Variants in DIS3 observed in about 807,000 individuals in gnomAD.
DIS3 encodes the protein exosome complex exonuclease RRP44.
DIS3 carries 103 observed loss-of-function variants against 113.0 expected under a neutral mutation model. The ratio of observed to expected loss-of-function variants is 0.91; its 90% CI spans 0.78 to 1.07. The LOEUF is 1.07. DIS3 is among the 50% of genes least tolerant of loss of function. The probability of loss-of-function intolerance (pLI) is 0.00; values close to 1 mark genes in which losing one functional copy is unlikely to be tolerated. For missense variants in DIS3, 1,121 were observed against 1,167.1 expected (o/e 0.96, Z 0.58); for synonymous variants, 402 against 394.3 (o/e 1.02, Z -0.23).
At chr13:72,778,161 C>G in intron 3 of DIS3, 26 bp downstream of exon 3, 1 of 1,539,550 alleles carries the variant, frequency 6.5e-7, no homozygotes. Flanking sequence ...CAAACATGCA[C>G]TAAGTACTTC....
chr13:72,781,596 C>T lies in DIS3; in HGVS notation c.228+9G>A. 1.3e-6 allele frequency: 2 copies of T among 1,496,054 alleles called. No homozygotes were observed. Among genetic ancestry groups the T allele is most frequent in the Non-Finnish European group, 1.8e-6 (2 of 1,118,828 alleles). 92.7% of individuals were successfully genotyped at this position (1,496,054 alleles called of 1,614,324 possible). On this transcript the variant is annotated intron_variant, in intron 1 of 20. Coordinates refer to ENST00000377767, the MANE Select transcript of DIS3 (RefSeq NM_014953.5). Reference sequence around the variant, plus strand: ...GGCCGCGCTGTCCGCGGTTCGCCCGCCCACGCACCTGGTGCAGTAACACAT... The same window carrying T: ...GGCCGCGCTGTCCGCGGTTCGCCCGTCCACGCACCTGGTGCAGTAACACAT...
chr13:72,758,747 A>G lies in DIS3; in HGVS notation c.*1048T>C, dbSNP rs1245954673. 5.3e-5 allele frequency: 11 copies of G among 206,716 alleles called. No homozygotes were observed. In the Admixed American group the frequency reaches 5.9e-4, roughly 11 times the overall value. 12.8% of individuals were successfully genotyped at this position (206,716 alleles called of 1,614,324 possible). On this transcript the variant is annotated 3_prime_UTR_variant, in exon 21 of 21. Transcript: ENST00000377767. ...TAGTATACCTGCTGATTTACTTGGC[A>G]GGCTTTTCTCACTATACTGCAAGCT...
chr13:72,763,300 C>T, intron 16 of DIS3, 151 bp downstream of exon 16: 1 of 1,005,282 alleles, frequency 9.9e-7, no homozygotes, highest in Non-Finnish European at 1.4e-6. Flanking sequence ...GAGACCCTGT[C>T]TCAAAAAAAA....
At position 72,778,213 on chromosome 13, in the gene DIS3, A is replaced by G; in HGVS notation, c.554T>C (p.Ile185Thr). 1.3e-6 allele frequency: 2 copies of G among 1,598,156 alleles called. No individual in the cohort carries two copies. Among genetic ancestry groups the G allele is most frequent in the South Asian group, 2.2e-5 (2 of 90,022 alleles). Residue 185 changes from isoleucine (I) to threonine (T), a missense_variant, in exon 3 of 21, where the codon ATA becomes ACA. Transcript: ENST00000377767. ...TNDRRNKEKA[I>T]EEGIPAFTCE... ...AGTGAAAGCTGGTATTCCTTCTTCT[A>G]TGGCTTTCTCTTTGTTTCTCCTGTC...
chr13:72,780,749 T>A, intron 2 of DIS3, 97 bp downstream of exon 2: 1 of 1,169,302 alleles, frequency 8.6e-7, no homozygotes. Context: ...AATCTATCAC[T>A]TATCTTCTGA....
At position 72,771,662 on chromosome 13, in the gene DIS3, G is replaced by A. The variant is rs563913567; in HGVS notation, c.1605+133C>T. On this transcript the variant is annotated intron_variant, in intron 11 of 20. Transcript: ENST00000377767. Reference sequence around the variant, plus strand: ...ACTTTACTTGTTATTTGAACCACTCGATAACAAAAATTTGCAATATATTTA... The same window carrying A: ...ACTTTACTTGTTATTTGAACCACTCAATAACAAAAATTTGCAATATATTTA... 198 of 757,606 alleles carry A rather than the reference G, an allele frequency of 2.6e-4. 1 individual carries two copies. The African/African-American group carries it at 3.0e-3, about 11-fold the overall frequency. The allele number at this position is 757,606 out of a possible 1,614,324, so 46.9% of individuals were successfully genotyped here. A position where few individuals can be genotyped will look rare whatever the true frequency, so the allele number is the denominator to read the frequency against.
chr13:72,772,058 C>G lies in DIS3; in HGVS notation c.1503+101G>C. 3.2e-6 allele frequency: 4 copies of G among 1,239,264 alleles called. No individual in the cohort carries two copies. The South Asian group carries it at 5.6e-5, about 17-fold the overall frequency. The allele number at this position is 1,239,264 out of a possible 1,614,324, so 76.8% of individuals were successfully genotyped here. A position where few individuals can be genotyped will look rare whatever the true frequency, so the allele number is the denominator to read the frequency against. On this transcript the variant is annotated intron_variant, in intron 10 of 20. Transcript: ENST00000377767. ...CCAATAGCGTGCAGCTACAATTATA[C>G]TTCACAAGAGTAATTAACAAGCAAA...
Position 72,761,412 on chromosome 13 carries a change from A to G in DIS3, c.2621T>C (p.Phe874Ser), listed in dbSNP as rs767987039. 6.2e-7 allele frequency: 1 copy of G among 1,610,408 alleles called. No individual in the cohort carries two copies. The highest frequency in any genetic ancestry group is 1.7e-5 in the Admixed American group (1 of 58,822). The change falls in exon 19 of 21, where the codon TTT (phenylalanine) becomes TCT (serine). Residue 874 changes from phenylalanine to serine, a missense_variant. Transcript: ENST00000377767. ...GTTTGGTTTGTCCTTTTCTTCAAAA[A>G]AGACTGTCCCTTCTAAACCATACTT... ...IPKYGLEGTV[F>S]FEEKDKPNPQ...
Position 72,762,019 on chromosome 13 carries a change from A to G in DIS3, c.2246T>C (p.Met749Thr). The change falls in exon 17 of 21, where the codon ATG becomes ACG. Residue 749 changes from methionine to threonine, a missense_variant. Transcript: ENST00000377767. ...TCCAGAACAGAAGTACACAGCTTGCATCATACAGCGAGTGGCTAATATTCT... is the reference window on the plus strand; with the variant it reads ...TCCAGAACAGAAGTACACAGCTTGCGTCATACAGCGAGTGGCTAATATTCT... ...LLRILATRCM[M>T]QAVYFCSGMD... The G allele has an allele frequency of 6.2e-7, 1 of 1,614,204 alleles. No individual in the cohort carries two copies. Among genetic ancestry groups the G allele is most frequent in the Admixed American group, 1.7e-5 (1 of 60,024 alleles).
At chr13:72,773,606 G>A (rs1290327243) in intron 8 of DIS3, 78 bp downstream of exon 8, 10 of 1,450,784 alleles carry the variant, frequency 6.9e-6, no homozygotes, top group Non-Finnish European at 9.3e-6. Context: ...AAAGTAGATT[G>A]TTTTTATTAA....
At chr13:72,779,449 C>T (rs1328130797) in intron 2 of DIS3, among the ~76,000 whole-genome samples, 1 of 152,062 alleles carries the variant, frequency 6.6e-6, no homozygotes, top group Non-Finnish European at 1.5e-5. Context: ...GTGAAAGACA[C>T]AGTCATAAAT....
chr13:72,781,147 A>T, intron 1 of DIS3, 144 bp from the exon 2 acceptor site: 1 of 1,355,182 alleles, frequency 7.4e-7, no homozygotes, highest in Non-Finnish European at 1.0e-6. Context: ...TTGGCTATAG[A>T]AAACGAGACA....
At position 72,775,887 on chromosome 13, in the gene DIS3, T is replaced by C. The variant is rs1375572138; in HGVS notation, c.822+38A>G. 2.7e-6 allele frequency: 4 copies of C among 1,471,426 alleles called. No homozygotes were observed. The South Asian group carries it at 5.1e-5, about 19-fold the overall frequency. 91.1% of individuals were successfully genotyped at this position (1,471,426 alleles called of 1,614,324 possible). On this transcript the variant is annotated intron_variant, in intron 5 of 20. Transcript: ENST00000377767. ...TGTTCATAATATATAAAATATCATC[T>C]TTATTTTAGTGTATAAGGAATTTAT...
chr13:72,775,373 T>G lies in DIS3; in HGVS notation c.825A>C (p.Ile275=). ...TTAAATGTTTAAGTCCCTGTAAGAT[T>G]ATCTGTTTAAAACAACAGAGGGCAC... ...IHGDNEENKE[I]ILQGLKHLNR... Residue 275 remains isoleucine (I), a splice_region_variant and synonymous_variant, in exon 6 of 21, where the codon ATA becomes ATC. Transcript: ENST00000377767. 1.3e-6 allele frequency: 2 copies of G among 1,598,660 alleles called. No homozygotes were observed. Among genetic ancestry groups the G allele is most frequent in the Non-Finnish European group, 1.7e-6 (2 of 1,174,328 alleles).
chr13:72,768,946 T>C (rs1172372858), intron 13 of DIS3, 34 bp from the exon 14 acceptor site: 4 of 1,447,824 alleles, frequency 2.8e-6, no homozygotes, highest in South Asian at 1.3e-5. Flanking sequence ...ATAATTCTTA[T>C]AAATGATAGA....
Position 72,753,165 on chromosome 13 carries a change from T to G in DIS3, c.*6630A>C, listed in dbSNP as rs1027996260. ...CTGGAAGTTCGCTAGAATCTTTCTTTTTTGCTCTTTTGCACTGAAACAGTG... is the reference window on the plus strand; with the variant it reads ...CTGGAAGTTCGCTAGAATCTTTCTTGTTTGCTCTTTTGCACTGAAACAGTG... On this transcript the variant is annotated 3_prime_UTR_variant, in exon 21 of 21. Coordinates refer to ENST00000377767, the MANE Select transcript of DIS3 (RefSeq NM_014953.5). 6.6e-6 allele frequency: 1 copy of G among 152,266 alleles called. No homozygotes were observed. The highest frequency in any genetic ancestry group is 2.4e-5 in the African/African-American group (1 of 41,466). The allele number at this position is 152,266 out of a possible 1,614,324, so 9.4% of individuals were successfully genotyped here. A position where few individuals can be genotyped will look rare whatever the true frequency, so the allele number is the denominator to read the frequency against.
Position 72,763,442 on chromosome 13 carries a change from G to A in DIS3, c.2127+9C>T, listed in dbSNP as rs200113327. Reference sequence around the variant, plus strand: ...CAAATAGATGATTTTTCAAACTGTAGGACCTTACCCTTGACCTGGCTGCCT... The same window carrying A: ...CAAATAGATGATTTTTCAAACTGTAAGACCTTACCCTTGACCTGGCTGCCT... On this transcript the variant is annotated intron_variant, in intron 16 of 20. Coordinates refer to ENST00000377767, the MANE Select transcript of DIS3 (RefSeq NM_014953.5). 53 of 1,606,550 alleles carry A rather than the reference G, an allele frequency of 3.3e-5. No homozygotes were observed. The highest frequency in any genetic ancestry group is 4.2e-5 in the Non-Finnish European group (49 of 1,177,828).
intron 2 of DIS3, 111 bp from the exon 3 acceptor site, chr13:72,778,491 T>C: frequency 1.3e-6 from 1 of 764,234 alleles, no homozygotes; most frequent in Non-Finnish European, 1.9e-6. Flanking sequence ...CAATGGTATA[T>C]CTTTTCTCTT....
intron 11 of DIS3, 148 bp from the exon 12 acceptor site, chr13:72,771,293 A>C: frequency 1.5e-6 from 1 of 684,084 alleles, no homozygotes; most frequent in Non-Finnish European, 2.4e-6. Flanking sequence ...AGGTCAAATA[A>C]AAGGTTTGTT....
Sources: gnomAD v4.1 joint callset for allele counts (sites outside exome capture counted in the v4.1 genomes callset) on GRCh38, gnomAD v4.1.1 for gene constraint, MANE v1.5 for transcripts, NCBI Gene and HGNC (gene_info 2026-07-23, HGNC 2026-07-21) for gene names.